The following VAT1L variants were observed in gnomAD, a reference collection of about 807,000 sequenced individuals.
VAT1L encodes vesicle amine transport 1 like.
VAT1L carries 34 observed loss-of-function variants against 44.1 expected under a neutral mutation model. The ratio of observed to expected loss-of-function variants is 0.77; its 90% CI spans 0.59 to 1.03. VAT1L has a LOEUF of 1.03. VAT1L is among the 50% of genes least tolerant of loss of function. VAT1L has a pLI of 0.00. For missense variants in VAT1L, 615 were observed against 538.8 expected (o/e 1.14, Z -1.40); for synonymous variants, 253 against 202.2 (o/e 1.25, Z -2.13).
chr16:77,846,686 T>A (rs186224243), intron 3 of VAT1L, among the ~76,000 whole-genome samples: 94 of 152,326 alleles, frequency 6.2e-4, no homozygotes, highest in African/African-American at 2.2e-3. Flanking sequence ...TATAACACCA[T>A]AATTTCTTGT....
chr16:77,790,960 A>G (rs2015824053), intron 1 of VAT1L, among the ~76,000 whole-genome samples: 1 of 152,184 alleles, frequency 6.6e-6, no homozygotes, highest in African/African-American at 2.4e-5. Context: ...ACACACAGAA[A>G]TCACTGCACT....
At chr16:77,918,406 G>T (rs780268748) in intron 7 of VAT1L, among the ~76,000 whole-genome samples, 7 of 152,096 alleles carry the variant, frequency 4.6e-5, no homozygotes, top group Non-Finnish European at 1.0e-4. Context: ...CCCCCCAAAA[G>T]TCTCTTGAAT....
intron 3 of VAT1L, among the ~76,000 whole-genome samples, chr16:77,859,322 G>C (rs1476761561): frequency 2.0e-5 from 3 of 151,992 alleles, no homozygotes. Context: ...TAAGATGAAA[G>C]GTCATTCTGA....
intron 3 of VAT1L, among the ~76,000 whole-genome samples, chr16:77,827,806 T>C (rs1427804589): frequency 6.6e-6 from 1 of 152,224 alleles, no homozygotes; most frequent in Non-Finnish European, 1.5e-5. Flanking sequence ...ATAAGAAATG[T>C]ATGGTGAAAT....
intron 7 of VAT1L, among the ~76,000 whole-genome samples, chr16:77,940,735 C>T (rs1046226244): frequency 2.0e-5 from 3 of 152,154 alleles, no homozygotes; most frequent in Non-Finnish European, 2.9e-5. Context: ...TAGTGGTTTT[C>T]TGTCTGTCTT....
At chr16:77,883,369 T>G (rs987531683) in intron 6 of VAT1L, among the ~76,000 whole-genome samples, 1 of 152,156 alleles carries the variant, frequency 6.6e-6, no homozygotes, top group Non-Finnish European at 1.5e-5. Context: ...AGTGGATTAT[T>G]TACTTATTTT....
At chr16:77,977,481 A>T (rs1237158120) in intron 8 of VAT1L, 116 bp from the exon 9 acceptor site, 3 of 1,008,854 alleles carry the variant, frequency 3.0e-6, no homozygotes, top group African/African-American at 1.6e-5. Context: ...TTCCAGGGAA[A>T]CAAGCAACCC....
intron 3 of VAT1L, among the ~76,000 whole-genome samples, chr16:77,844,468 G>A (rs766081643): frequency 6.6e-6 from 1 of 152,026 alleles, no homozygotes; most frequent in Admixed American, 6.6e-5. Flanking sequence ...GAGTGCAGTG[G>A]CGCTATCTCA....
intron 2 of VAT1L, among the ~76,000 whole-genome samples, chr16:77,823,650 A>G (rs2016485995): frequency 6.6e-6 from 1 of 152,244 alleles, no homozygotes; most frequent in South Asian, 2.1e-4. Flanking sequence ...TTAACTGACA[A>G]AATGAAGATT....
intron 4 of VAT1L, among the ~76,000 whole-genome samples, chr16:77,873,949 C>T (rs974735987): frequency 8.5e-5 from 13 of 152,094 alleles, no homozygotes; most frequent in African/African-American, 2.9e-4. Flanking sequence ...GTTTATAGGC[C>T]ACTGTTGGCT....
At chr16:77,925,681 G>A (rs903196140) in intron 7 of VAT1L, among the ~76,000 whole-genome samples, 7 of 151,992 alleles carry the variant, frequency 4.6e-5, no homozygotes, top group African/African-American at 1.4e-4. Flanking sequence ...CTTTTCCCTC[G>A]TTCTGCAGAT....
chr16:77,971,983 C>T lies in VAT1L; in HGVS notation c.1161+50C>T, dbSNP rs762057134. The T allele has an allele frequency of 7.7e-6, 12 of 1,557,842 alleles. 1 individual carries two copies. Among genetic ancestry groups the T allele is most frequent in the Admixed American group, 1.8e-5 (1 of 54,850 alleles). On this transcript the variant is annotated intron_variant, in intron 8 of 8. Coordinates refer to ENST00000302536, the MANE Select transcript of VAT1L (RefSeq NM_020927.3). ...TTCAGTTCCACGCGAGAGAGCACCA[C>T]GGGTCAATCAGATGCAGACACGGGT...
intron 4 of VAT1L, among the ~76,000 whole-genome samples, chr16:77,863,961 G>T (rs1207843522): frequency 6.6e-6 from 1 of 152,170 alleles, no homozygotes; most frequent in Non-Finnish European, 1.5e-5. Flanking sequence ...GGGATGGATG[G>T]GTAGAGGGAG....
At chr16:77,839,390 G>A (rs999084439) in intron 3 of VAT1L, among the ~76,000 whole-genome samples, 15 of 151,874 alleles carry the variant, frequency 9.9e-5, no homozygotes, top group African/African-American at 3.6e-4. Context: ...AAAAAAATCA[G>A]CTGGGCGTGG....
chr16:77,947,374 G>T (rs2017982041), intron 7 of VAT1L, among the ~76,000 whole-genome samples: 1 of 152,192 alleles, frequency 6.6e-6, no homozygotes, highest in Non-Finnish European at 1.5e-5. Context: ...TAAAAAACCT[G>T]AAGCAATCGT....
At chr16:77,848,906 T>G (rs943329613) in intron 3 of VAT1L, among the ~76,000 whole-genome samples, 8 of 152,148 alleles carry the variant, frequency 5.3e-5, no homozygotes, top group African/African-American at 1.9e-4. Flanking sequence ...TGGATGAAGC[T>G]GGAAACCATC....
At chr16:77,945,686 A>C (rs1025065911) in intron 7 of VAT1L, among the ~76,000 whole-genome samples, 1 of 151,948 alleles carries the variant, frequency 6.6e-6, no homozygotes, top group Non-Finnish European at 1.5e-5. Context: ...AAGAAAAATC[A>C]TACTCCCATT....
At chr16:77,959,659 T>C (rs1597121897) in intron 7 of VAT1L, among the ~76,000 whole-genome samples, 1 of 152,302 alleles carries the variant, frequency 6.6e-6, no homozygotes, top group East Asian at 1.9e-4. Context: ...CTGTCATTTG[T>C]ACCCTAATGA....
At chr16:77,849,192 C>CA (rs1567486983) in intron 3 of VAT1L, among the ~76,000 whole-genome samples, 1 of 151,734 alleles carries the variant, frequency 6.6e-6, no homozygotes, top group Non-Finnish European at 1.5e-5. Context: ...AGTATAATAA[C>CA]AAAAAAAAGT....
Sources: gnomAD v4.1 joint callset for allele counts (sites outside exome capture counted in the v4.1 genomes callset) on GRCh38, gnomAD v4.1.1 for gene constraint, MANE v1.5 for transcripts, NCBI Gene and HGNC (gene_info 2026-07-23, HGNC 2026-07-21) for gene names.